ZNRF3: variants seen among roughly 807,000 people sequenced by gnomAD.
ZNRF3 encodes the protein zinc and ring finger 3.
In ZNRF3, 23 loss-of-function variants were observed where a neutral mutation model predicts 72.5. That is an observed-to-expected ratio of 0.32 (90% CI 0.23 to 0.45). ZNRF3 has a LOEUF of 0.45. ZNRF3 is among the 20% of genes least tolerant of loss of function. The pLI, the probability that ZNRF3 is intolerant of heterozygous loss-of-function variation, is 1.00. For synonymous variants in ZNRF3, 610 were observed against 545.3 expected (o/e 1.12, Z -1.65); for missense variants, 1,169 against 1,272.1 (o/e 0.92, Z 1.23).
rs368241879 is a variant in ZNRF3, at chr22:29,048,394, G to T, written c.918G>T (p.Leu306=). The part of the protein sequence containing the change: ...CLEKYIDGEE[L]RVIPCTHRFH... Reference sequence around the variant, plus strand: ...TCCCCTCTCTCCCTGCCCAGGAGCTGCGGGTCATCCCCTGTACTCACCGGT... The same window carrying T: ...TCCCCTCTCTCCCTGCCCAGGAGCTTCGGGTCATCCCCTGTACTCACCGGT... The change falls in exon 7 of 9, where the codon CTG becomes CTT. Residue 306 remains leucine, a synonymous_variant. Transcript: ENST00000544604. This position sits in a 1 kb window ranked among gnomAD's most constrained non-coding sequence, Gnocchi z 4.9. 32 of 1,613,438 alleles carry T rather than the reference G, an allele frequency of 2.0e-5. No individual in the cohort carries two copies. In the African/African-American group the frequency reaches 3.9e-4, roughly 20 times the overall value.
chr22:29,031,802 TC>T (rs1456192262), intron 2 of ZNRF3, among the ~76,000 whole-genome samples: 1 of 152,080 alleles, frequency 6.6e-6, no homozygotes. Context: ...ACCGCCCTTT[TC>T]CCCTCCCTGA....
chr22:28,893,035 C>T (rs1214436674), intron 1 of ZNRF3, among the ~76,000 whole-genome samples: 2 of 152,054 alleles, frequency 1.3e-5, no homozygotes, highest in African/African-American at 2.4e-5. Context: ...GGCGTGGTGG[C>T]GGGCGCCTGT....
intron 1 of ZNRF3, among the ~76,000 whole-genome samples, chr22:28,949,348 C>T (rs2035113113): frequency 1.3e-5 from 2 of 152,168 alleles, no homozygotes; most frequent in Non-Finnish European, 2.9e-5. Flanking sequence ...GAGCTAGGCT[C>T]ACTGCAGCCT....
chr22:29,007,752 C>CTTTTTTTTTTTTTTT (rs943507617), intron 2 of ZNRF3, among the ~76,000 whole-genome samples: 3 of 43,674 alleles, frequency 6.9e-5, no homozygotes, highest in Non-Finnish European at 1.6e-4. Context: ...CCATTTCTTC[C>CTTTTTTTTTTTTTTT]TTTTTTTTTT....
chr22:29,016,017 AAAAAAAAAAAAAC>A (rs1166177460), intron 2 of ZNRF3, among the ~76,000 whole-genome samples: 8 of 149,604 alleles, frequency 5.3e-5, no homozygotes, highest in Non-Finnish European at 1.0e-4. Flanking sequence ...ACTGTCTCAA[AAAAAAAAAAAAAC>A]AAAAAAACTG....
chr22:28,931,896 T>G (rs1030525817), intron 1 of ZNRF3, among the ~76,000 whole-genome samples: 9 of 152,222 alleles, frequency 5.9e-5, no homozygotes, highest in Non-Finnish European at 1.3e-4. Context: ...TCAGCTAAAC[T>G]TTGGTCAAAT....
intron 5 of ZNRF3, among the ~76,000 whole-genome samples, chr22:29,045,190 G>A (rs1028181149): frequency 1.3e-5 from 2 of 151,836 alleles, no homozygotes; most frequent in Admixed American, 6.6e-5. Context: ...GCAAAACCCC[G>A]TCTCTACCAA....
chr22:28,915,361 C>G (rs1032341603), intron 1 of ZNRF3, among the ~76,000 whole-genome samples: 4 of 152,140 alleles, frequency 2.6e-5, no homozygotes, highest in African/African-American at 9.7e-5. Context: ...TTAGGGCCCA[C>G]CTATATGACC....
chr22:28,941,909 C>A (rs553028703), intron 1 of ZNRF3, among the ~76,000 whole-genome samples: 1 of 152,022 alleles, frequency 6.6e-6, no homozygotes, highest in Non-Finnish European at 1.5e-5. Context: ...GAGCAGAGAT[C>A]GTGCCATTGC....
intron 1 of ZNRF3, among the ~76,000 whole-genome samples, chr22:28,903,385 A>T (rs559059384): frequency 6.6e-6 from 1 of 152,310 alleles, no homozygotes; most frequent in East Asian, 1.9e-4. Context: ...GCTGCAACAT[A>T]CTAAGCCTGT....
intron 1 of ZNRF3, among the ~76,000 whole-genome samples, chr22:28,973,645 T>C (rs2035615283): frequency 6.6e-6 from 1 of 152,176 alleles, no homozygotes; most frequent in African/African-American, 2.4e-5. Context: ...GGCCCTTCAC[T>C]AAAGTGCTCG....
intron 1 of ZNRF3, among the ~76,000 whole-genome samples, chr22:28,931,187 T>C (rs1273939178): frequency 6.6e-6 from 1 of 152,238 alleles, no homozygotes; most frequent in African/African-American, 2.4e-5. Context: ...TATGCCTCTT[T>C]TGTTCTTCCA....
At chr22:28,989,793 C>T (rs1310258115) in intron 2 of ZNRF3, among the ~76,000 whole-genome samples, 1 of 152,182 alleles carries the variant, frequency 6.6e-6, no homozygotes, top group Non-Finnish European at 1.5e-5. Context: ...CCACCCTCTT[C>T]ACCTACCCGC....
chr22:28,884,207 G>A (rs910546895), intron 1 of ZNRF3, 141 bp downstream of exon 1: 3 of 626,826 alleles, frequency 4.8e-6, no homozygotes, highest in Non-Finnish European at 6.0e-6. Flanking sequence ...TCCCTCCCCT[G>A]CGGGCGGGCA....
At chr22:28,971,514 G>A (rs532314380) in intron 1 of ZNRF3, among the ~76,000 whole-genome samples, 3 of 152,200 alleles carry the variant, frequency 2.0e-5, no homozygotes, top group South Asian at 2.1e-4. Context: ...TGCCTCGTAC[G>A]CCCTAATTGT....
At chr22:29,014,231 C>G (rs1473153909) in intron 2 of ZNRF3, among the ~76,000 whole-genome samples, 2 of 152,168 alleles carry the variant, frequency 1.3e-5, no homozygotes, top group East Asian at 3.8e-4. Flanking sequence ...CTCTAATTAT[C>G]ACTGATGGTT....
chr22:28,934,517 C>T (rs2034784608), intron 1 of ZNRF3, among the ~76,000 whole-genome samples: 2 of 152,062 alleles, frequency 1.3e-5, no homozygotes, highest in Admixed American at 6.6e-5. Flanking sequence ...ATCTAAACAG[C>T]GAAAAAGTAT....
intron 1 of ZNRF3, among the ~76,000 whole-genome samples, chr22:28,927,406 A>G (rs1466052735): frequency 6.6e-6 from 1 of 152,154 alleles, no homozygotes; most frequent in African/African-American, 2.4e-5. Flanking sequence ...CAAACAAACA[A>G]ACAAAAAAAA....
intron 1 of ZNRF3, among the ~76,000 whole-genome samples, chr22:28,926,334 TTG>T (rs918350104): frequency 6.6e-6 from 1 of 152,088 alleles, no homozygotes; most frequent in African/African-American, 2.4e-5. Context: ...AAACAGTATT[TTG>T]TTTCTTTGAT....
Sources: gnomAD v4.1 joint callset for allele counts (sites outside exome capture counted in the v4.1 genomes callset) on GRCh38, gnomAD v4.1.1 for gene constraint, Gnocchi (gnomAD v3.1) non-coding constraint, MANE v1.5 for transcripts, NCBI Gene and HGNC (gene_info 2026-07-23, HGNC 2026-07-21) for gene names.